PLXNA2: variants seen among roughly 807,000 people sequenced by gnomAD.
PLXNA2 encodes the protein plexin-A2.
In PLXNA2, 91 loss-of-function variants were observed where a neutral mutation model predicts 193.5. That is an observed-to-expected ratio of 0.47 (90% confidence interval 0.40 to 0.56). The LOEUF (loss-of-function observed/expected upper bound fraction) is 0.56, where lower values mean the gene tolerates loss of function less well. PLXNA2 is among the 20% of genes least tolerant of loss of function. PLXNA2 has a pLI of 0.00. For missense variants in PLXNA2, 1,995 were observed against 2,503.2 expected (o/e 0.80, Z 4.33); for synonymous variants, 997 against 1,027.3 (o/e 0.97, Z 0.56).
At chr1:208,229,152 G>A (rs1387246169) in intron 1 of PLXNA2, among the ~76,000 whole-genome samples, 1 of 152,016 alleles carries the variant, frequency 6.6e-6, no homozygotes, top group South Asian at 2.1e-4. Flanking sequence ...TTCCTTCCTT[G>A]TCTTTCCCTG....
chr1:208,197,187 T>C (rs1472493027), intron 3 of PLXNA2, among the ~76,000 whole-genome samples: 1 of 152,206 alleles, frequency 6.6e-6, no homozygotes, highest in Non-Finnish European at 1.5e-5. Context: ...TCAGTGATGG[T>C]TTAGAAGAAA....
rs1416073938 is a variant in PLXNA2, at chr1:208,044,231, A to C, written c.3874+277T>G. Among the ~76,000 whole-genome samples the C allele has an allele frequency of 1.3e-5, 2 of 152,202 alleles. No individual in the cohort carries two copies. Among genetic ancestry groups the C allele is most frequent in the Non-Finnish European group, 2.9e-5 (2 of 68,030 alleles). On this transcript the variant is annotated intron_variant, in intron 20 of 31. Transcript: ENST00000367033. The surrounding 1 kb of genome is among the most constrained non-coding windows in gnomAD (Gnocchi z 4.9). ...TGACTGTGGGGACATTGAGGCCCTG[A>C]GAGGGAGAAAGTGTTTGCCAGATTG...
At chr1:208,089,327 C>A (rs975920872) in intron 9 of PLXNA2, among the ~76,000 whole-genome samples, 3 of 152,208 alleles carry the variant, frequency 2.0e-5, no homozygotes, top group Admixed American at 2.0e-4. Context: ...GCAAGTGTGG[C>A]TGTGACCATG....
At chr1:208,140,701 A>G (rs937872275) in intron 4 of PLXNA2, among the ~76,000 whole-genome samples, 1 of 152,172 alleles carries the variant, frequency 6.6e-6, no homozygotes, top group Admixed American at 6.5e-5. Context: ...TCTTTTCTGT[A>G]TGCATTGCTT....
At chr1:208,103,026 T>C in intron 5 of PLXNA2, 121 bp downstream of exon 5, 4 of 739,846 alleles carry the variant, frequency 5.4e-6, no homozygotes, top group Non-Finnish European at 9.4e-6. Flanking sequence ...AAGCCACGAT[T>C]AGAATTACTG....
rs138564790 is a variant in PLXNA2, at chr1:208,196,640, T to A, written c.1371+13640A>T. 1.8e-3 allele frequency among the ~76,000 whole-genome samples: 278 copies of A among 152,246 alleles called. 5 individuals are homozygous for A. The East Asian group carries it at 0.052, about 29-fold the overall frequency. On this transcript the variant is annotated intron_variant, in intron 3 of 31. Transcript: ENST00000367033. The stretch of plus-strand genomic sequence containing the variant: ...ACTCAGTCCACCTAAGACCCTGGGT[T>A]AACTGAGAAGAAAGAGAAACAGTAG...
At chr1:208,239,070 A>T (rs1671960431) in intron 1 of PLXNA2, among the ~76,000 whole-genome samples, 1 of 152,124 alleles carries the variant, frequency 6.6e-6, no homozygotes, top group East Asian at 1.9e-4. Flanking sequence ...TCCCACTGGC[A>T]ATAGGACCCT....
At chr1:208,243,236 T>C (rs1270586313) in intron 1 of PLXNA2, among the ~76,000 whole-genome samples, 1 of 152,206 alleles carries the variant, frequency 6.6e-6, no homozygotes, top group East Asian at 1.9e-4. Context: ...CTTTGGGCTG[T>C]CTCGCTGGTG....
At chr1:208,219,701 C>T (rs900674616) in intron 1 of PLXNA2, among the ~76,000 whole-genome samples, 5 of 152,324 alleles carry the variant, frequency 3.3e-5, no homozygotes, top group Middle Eastern at 3.4e-3. Flanking sequence ...TGGCAGCCAC[C>T]GTGGTGCCAC....
chr1:208,084,386 G>A lies in PLXNA2; in HGVS notation c.2292C>T (p.Asn764=), dbSNP rs1666442408. 2 of 1,614,242 alleles carry A rather than the reference G, an allele frequency of 1.2e-6. No homozygotes were observed. Among genetic ancestry groups the A allele is most frequent in the Non-Finnish European group, 8.5e-7 (1 of 1,180,040 alleles). ...CCAGCCTGCGTTTTCTTACCGAGCTGTTCTGACACTGAACGCTGGAGCTGT... is the reference window on the plus strand; with the variant it reads ...CCAGCCTGCGTTTTCTTACCGAGCTATTCTGACACTGAACGCTGGAGCTGT... ...RFNSSSVQCQ[N]SSYQYDGMDI... The change falls in exon 10 of 32, where the codon AAC becomes AAT. Residue 764 remains asparagine, a synonymous_variant. Transcript: ENST00000367033.
rs181975495 is a variant in PLXNA2 at position 208,029,064 on chromosome 1, A to G, written c.5226-22T>C. On this transcript the variant is annotated intron_variant, in intron 29 of 31. Coordinates refer to ENST00000367033, the MANE Select transcript of PLXNA2 (RefSeq NM_025179.4). Reference sequence around the variant, plus strand: ...GAGGCTGTGGGGAAAGGCAGAGAAGACTTGAGAATGCATGCGGGCCGTGCC... The same window carrying G: ...GAGGCTGTGGGGAAAGGCAGAGAAGGCTTGAGAATGCATGCGGGCCGTGCC... 521 of 1,613,652 alleles carry G rather than the reference A, an allele frequency of 3.2e-4. 2 individuals are homozygous for G. The highest frequency in any genetic ancestry group is 3.8e-4 in the Non-Finnish European group (451 of 1,179,686).
At chr1:208,226,397 C>A (rs1671512181) in intron 1 of PLXNA2, among the ~76,000 whole-genome samples, 1 of 151,980 alleles carries the variant, frequency 6.6e-6, no homozygotes, top group Admixed American at 6.6e-5. Context: ...CCCTGGAAAC[C>A]ACACCAGCTC....
chr1:208,223,156 G>T lies in PLXNA2; in HGVS notation c.-80-5154C>A, dbSNP rs139476291. 4.2e-4 allele frequency among the ~76,000 whole-genome samples: 62 copies of T among 147,452 alleles called. 1 individual carries two copies. The highest frequency in any genetic ancestry group is 1.5e-3 in the African/African-American group (60 of 39,716). On this transcript the variant is annotated intron_variant, in intron 1 of 31. Transcript: ENST00000367033. ...GGAGAGGAGTCCGTCTTCTCCTTCA[G>T]CTCTTCCTTCTAATGAGTAGTGCCT... is the stretch of plus-strand genomic sequence containing the variant.
chr1:208,067,166 G>A (rs1280723313), intron 12 of PLXNA2, among the ~76,000 whole-genome samples: 1 of 152,052 alleles, frequency 6.6e-6, no homozygotes, highest in Admixed American at 6.6e-5. Context: ...GCAACATGGG[G>A]AAACGCTGTC....
intron 1 of PLXNA2, among the ~76,000 whole-genome samples, chr1:208,241,973 G>C (rs1433092925): frequency 1.3e-5 from 2 of 152,160 alleles, no homozygotes; most frequent in African/African-American, 4.8e-5. Context: ...CCACCACCAA[G>C]GAGAGATCCC....
At chr1:208,064,883 C>T (rs1246861409) in intron 12 of PLXNA2, among the ~76,000 whole-genome samples, 1 of 152,148 alleles carries the variant, frequency 6.6e-6, no homozygotes, top group Non-Finnish European at 1.5e-5. Flanking sequence ...CCCCACCAGC[C>T]CCGCCCAACA....
intron 3 of PLXNA2, among the ~76,000 whole-genome samples, chr1:208,183,601 A>C (rs1291681999): frequency 1.3e-4 from 1 of 7,684 alleles, no homozygotes; most frequent in Non-Finnish European, 3.1e-4. Context: ...GGTGCCAGAG[A>C]GGGAGAGGGG....
At chr1:208,086,789 CAAA>C (rs11355579) in intron 9 of PLXNA2, among the ~76,000 whole-genome samples, 19 of 125,818 alleles carry the variant, frequency 1.5e-4, no homozygotes, top group South Asian at 2.7e-4. Flanking sequence ...TATTTATAGC[CAAA>C]AAAAAAAAAA....
intron 29 of PLXNA2, chr1:208,029,764 CA>C (rs1181477612): frequency 4.1e-6 from 4 of 985,494 alleles, no homozygotes; most frequent in Non-Finnish European, 4.8e-6. Context: ...AATTTATAAC[CA>C]GAGGAGAATG....
Sources: allele counts gnomAD v4.1 joint callset (sites outside exome capture counted in the v4.1 genomes callset), GRCh38; gene constraint gnomAD v4.1.1; non-coding constraint Gnocchi (gnomAD v3.1); transcripts MANE v1.5; gene names NCBI Gene and HGNC (gene_info 2026-07-23, HGNC 2026-07-21).